COL24A1: variants seen among roughly 807,000 people sequenced by gnomAD.
COL24A1 encodes collagen type XXIV alpha 1 chain.
In COL24A1, 224 loss-of-function variants were observed where a neutral mutation model predicts 253.9. The observed-to-expected ratio is 0.88, with a 90% CI of 0.79 to 0.99. The LOEUF is 0.99. Among genes scored for constraint, COL24A1 ranks in the 50% least tolerant of loss-of-function variants. The pLI, the probability that COL24A1 is intolerant of heterozygous loss-of-function variation, is 0.00. For synonymous variants in COL24A1, 685 were observed against 673.7 expected (o/e 1.02, Z -0.26); for missense variants, 2,131 against 2,068.5 (o/e 1.03, Z -0.59).
chr1:86,111,831 C>T (rs1205130239), intron 5 of COL24A1, among the ~76,000 whole-genome samples: 3 of 152,076 alleles, frequency 2.0e-5, no homozygotes, highest in Non-Finnish European at 2.9e-5. Context: ...ACTCCAGATG[C>T]GCCGCCTTAA....
At chr1:85,993,267 G>C (rs1694458276) in intron 19 of COL24A1, among the ~76,000 whole-genome samples, 1 of 152,030 alleles carries the variant, frequency 6.6e-6, no homozygotes. Flanking sequence ...TCCAATAGAA[G>C]TGTTAGAGTA....
chr1:85,965,113 AT>A, intron 22 of COL24A1, 51 bp from the exon 23 acceptor site: 2 of 1,445,466 alleles, frequency 1.4e-6, no homozygotes, highest in Non-Finnish European at 1.9e-6. Flanking sequence ...AGTCATTCTC[AT>A]TTTTGAAAGT....
intron 20 of COL24A1, among the ~76,000 whole-genome samples, chr1:85,981,424 G>A (rs1693248061): frequency 6.6e-6 from 1 of 152,092 alleles, no homozygotes; most frequent in African/African-American, 2.4e-5. Flanking sequence ...AAATGATGCT[G>A]GGATAACTGC....
intron 6 of COL24A1, among the ~76,000 whole-genome samples, chr1:86,090,724 C>A (rs1012567789): frequency 3.3e-5 from 5 of 152,022 alleles, no homozygotes; most frequent in African/African-American, 4.8e-5. Context: ...TTTAGGAATA[C>A]CTCTATTAAT....
chr1:85,852,124 G>A (rs114202030), intron 37 of COL24A1, among the ~76,000 whole-genome samples: 1,716 of 151,962 alleles, frequency 0.011, 31 homozygotes, highest in African/African-American at 0.04. Flanking sequence ...GCGCACGTGC[G>A]CATTTGTGTG....
At chr1:86,093,862 A>T (rs1419670767) in intron 5 of COL24A1, among the ~76,000 whole-genome samples, 1 of 152,058 alleles carries the variant, frequency 6.6e-6, no homozygotes, top group African/African-American at 2.4e-5. Context: ...AGAGGACATA[A>T]ATGCAGCCAA....
intron 24 of COL24A1, among the ~76,000 whole-genome samples, chr1:85,923,020 C>CTAG (rs1252655858): frequency 6.6e-6 from 1 of 151,916 alleles, no homozygotes; most frequent in East Asian, 1.9e-4. Context: ...GGTTGTAATC[C>CTAG]TAGTCTCTGA....
intron 42 of COL24A1, among the ~76,000 whole-genome samples, chr1:85,838,868 A>G (rs1388742987): frequency 6.6e-6 from 1 of 152,236 alleles, no homozygotes; most frequent in Non-Finnish European, 1.5e-5. Context: ...TAATGATTCT[A>G]CTAGGAAAAA....
At chr1:85,869,836 C>G (rs1399550424) in intron 35 of COL24A1, among the ~76,000 whole-genome samples, 1 of 152,138 alleles carries the variant, frequency 6.6e-6, no homozygotes, top group African/African-American at 2.4e-5. Context: ...GGATCATATT[C>G]ACACACAACG....
chr1:86,126,016 G>C lies in COL24A1; in HGVS notation c.320C>G (p.Thr107Arg). The C allele has an allele frequency of 6.2e-7, 1 of 1,613,572 alleles. No individual in the cohort carries two copies. Residue 107 changes from threonine (T) to arginine (R), a missense_variant, in exon 3 of 60, where the codon ACA becomes AGA. Coordinates refer to ENST00000370571, the MANE Select transcript of COL24A1 (RefSeq NM_152890.7). ...ATGTGACTGTAACCCAGTTAATATT[G>C]TAAACGGCTGCCCCAAGTTGACTGG... ...ILPVNLGQPFTILTGLQSHRV... is the reference protein window; with the variant it reads ...ILPVNLGQPFRILTGLQSHRV...
intron 12 of COL24A1, among the ~76,000 whole-genome samples, chr1:86,041,292 C>A (rs568227874): frequency 6.6e-6 from 1 of 152,230 alleles, no homozygotes; most frequent in South Asian, 2.1e-4. Flanking sequence ...TTCTAAGGGT[C>A]TGAAAAATTC....
rs1289729337 is a variant in COL24A1, at chr1:85,856,077, T to A, written c.3301-6671A>T. On this transcript the variant is annotated intron_variant, in intron 37 of 59. Coordinates refer to ENST00000370571, the MANE Select transcript of COL24A1 (RefSeq NM_152890.7). ...TTTCTGAATGTGTTTATTTGGATCA[T>A]CTCCCTGCCTGTTTTTCTTTATTAG... is the stretch of plus-strand genomic sequence containing the variant. 3.3e-5 allele frequency among the ~76,000 whole-genome samples: 5 copies of A among 152,158 alleles called. 1 individual carries two copies. In the East Asian group the frequency reaches 9.6e-4, roughly 29 times the overall value.
chr1:85,743,813 G>A (rs1333532016), intron 57 of COL24A1, among the ~76,000 whole-genome samples: 1 of 152,046 alleles, frequency 6.6e-6, no homozygotes, highest in Non-Finnish European at 1.5e-5. Context: ...TAGAAGTTAA[G>A]TGTTTGATTA....
At chr1:86,020,061 C>CTTTTTTTTTTTTT (rs10582249) in intron 18 of COL24A1, among the ~76,000 whole-genome samples, 2 of 102,594 alleles carry the variant, frequency 1.9e-5, no homozygotes, top group African/African-American at 3.3e-5. Flanking sequence ...TTCATTCTTT[C>CTTTTTTTTTTTTT]TTTTTTTTTT....
At chr1:85,792,066 C>G (rs964525240) in intron 47 of COL24A1, among the ~76,000 whole-genome samples, 1 of 152,048 alleles carries the variant, frequency 6.6e-6, no homozygotes, top group Admixed American at 6.5e-5. Context: ...ATTTTGTGAA[C>G]AGTTTCTCTC....
chr1:85,903,990 T>C (rs1684567365), intron 28 of COL24A1, among the ~76,000 whole-genome samples: 1 of 152,198 alleles, frequency 6.6e-6, no homozygotes, highest in Non-Finnish European at 1.5e-5. Flanking sequence ...CTTCAGGTAT[T>C]GAATCTAGCT....
In COL24A1 at chr1:86,038,737, T is replaced by C. The variant is rs574233452; in HGVS notation, c.1951-4814A>G. ...CACTCTGGGGGAAGCCAAAGCTATG[T>C]TCTGAATACATTCAGCAGCACTGTG... On this transcript the variant is annotated intron_variant, in intron 12 of 59. Transcript: ENST00000370571. Among the ~76,000 whole-genome samples the C allele has an allele frequency of 3.3e-5, 5 of 152,248 alleles. No homozygotes were observed. The East Asian group carries it at 7.7e-4, about 23-fold the overall frequency.
intron 10 of COL24A1, among the ~76,000 whole-genome samples, chr1:86,056,103 G>A (rs1036100671): frequency 7.8e-6 from 1 of 127,864 alleles, no homozygotes; most frequent in Non-Finnish European, 1.6e-5. Flanking sequence ...GGGCCATAGA[G>A]TGAGACTCTG....
Position 86,126,076 on chromosome 1 carries a change from T to C in COL24A1, c.260A>G (p.Asp87Gly), listed in dbSNP as rs765910059. 3 of 1,613,604 alleles carry C rather than the reference T, an allele frequency of 1.9e-6. No individual in the cohort carries two copies. The East Asian group carries it at 6.7e-5, about 36-fold the overall frequency. Reference sequence around the variant, plus strand: ...CACGAAAGGTGTCTCGATATAAGCATCATTTTTAAAAATGACTCCTGATTC... The same window carrying C: ...CACGAAAGGTGTCTCGATATAAGCACCATTTTTAAAAATGACTCCTGATTC... ...LTESGVIFKN[D>G]AYIETPFVKI... Residue 87 changes from aspartate to glycine, a missense_variant, in exon 3 of 60, where the codon GAT becomes GGT. Asp to Gly is a moderately conservative substitution (Grantham distance 94). Transcript: ENST00000370571.
Sources: allele counts gnomAD v4.1 joint callset (sites outside exome capture counted in the v4.1 genomes callset), GRCh38; gene constraint gnomAD v4.1.1; transcripts MANE v1.5; gene names NCBI Gene and HGNC (gene_info 2026-07-23, HGNC 2026-07-21).